Variants in PCDHA5 observed in about 807,000 individuals in gnomAD.
PCDHA5 encodes protocadherin alpha 5.
A neutral mutation model predicts 61.6 loss-of-function variants in PCDHA5; 43 were observed. The ratio of observed to expected loss-of-function variants is 0.70; its 90% CI spans 0.55 to 0.90. The LOEUF (loss-of-function observed/expected upper bound fraction) is 0.90. PCDHA5 is among the 40% of genes least tolerant of loss of function. The probability of loss-of-function intolerance (pLI) is 0.00; values close to 1 mark genes in which losing one functional copy is unlikely to be tolerated. For synonymous variants in PCDHA5, 627 were observed against 543.9 expected (o/e 1.15, Z -2.13); for missense variants, 1,298 against 1,222.7 (o/e 1.06, Z -0.92).
intron 1 of PCDHA5, chr5:140,829,803 G>A: frequency 6.2e-7 from 1 of 1,613,884 alleles, no homozygotes; most frequent in Non-Finnish European, 8.5e-7. Flanking sequence ...CCTCGGGTGG[G>A]TGGTACTGGT....
intron 1 of PCDHA5, among the ~76,000 whole-genome samples, chr5:140,944,651 C>T (rs1554216459): frequency 6.6e-6 from 1 of 152,152 alleles, no homozygotes; most frequent in Non-Finnish European, 1.5e-5. Context: ...ATTGGGAGTC[C>T]ATACCCCTTA....
rs782439866 is a variant in PCDHA5, at chr5:140,871,196, A to G, written c.2352+47069A>G. ...GCTGCGCTGGTGGATGTCAACGTGT[A>G]CCTGATCATCGCCATCTGCGTGGTG... On this transcript the variant is annotated intron_variant, in intron 1 of 3. Coordinates refer to ENST00000529859, the MANE Select transcript of PCDHA5 (RefSeq NM_018908.3). 19 of 1,613,546 alleles carry G rather than the reference A, an allele frequency of 1.2e-5. No homozygotes were observed. Among genetic ancestry groups the G allele is most frequent in the Non-Finnish European group, 1.6e-5 (19 of 1,179,946 alleles).
intron 1 of PCDHA5, chr5:140,863,499 T>G: frequency 2.3e-6 from 1 of 434,624 alleles, no homozygotes; most frequent in Non-Finnish European, 4.6e-6. Context: ...CATTACGGCT[T>G]TTAGTCCTAG....
Position 140,870,808 on chromosome 5 carries a change from G to A in PCDHA5, c.2352+46681G>A, listed in dbSNP as rs368477795. 1.9e-5 allele frequency: 30 copies of A among 1,613,692 alleles called. No individual in the cohort carries two copies. The highest frequency in any genetic ancestry group is 3.3e-5 in the South Asian group (3 of 91,076). On this transcript the variant is annotated intron_variant, in intron 1 of 3. Coordinates refer to ENST00000529859, the MANE Select transcript of PCDHA5 (RefSeq NM_018908.3). ...CGCGCCGGCACTGCTGGCGACTCAGGCTGGCAGCGCGGGAGGCGCAGTTAA... is the reference window on the plus strand; with the variant it reads ...CGCGCCGGCACTGCTGGCGACTCAGACTGGCAGCGCGGGAGGCGCAGTTAA...
At chr5:140,882,174 C>A (rs868925922) in intron 1 of PCDHA5, 1 of 1,514,752 alleles carries the variant, frequency 6.6e-7, no homozygotes, top group Non-Finnish European at 8.8e-7. Flanking sequence ...CGAATCCTTC[C>A]GCACTAGGAA....
intron 1 of PCDHA5, chr5:140,852,739 A>G: frequency 2.0e-6 from 2 of 984,418 alleles, no homozygotes. Flanking sequence ...TTCATGTGCC[A>G]TTTAAACTTG....
intron 1 of PCDHA5, chr5:140,861,911 G>A (rs1428528633): frequency 1.3e-5 from 2 of 154,368 alleles, no homozygotes; most frequent in East Asian, 1.9e-4. Context: ...ATATATCACA[G>A]CGCTGGATGT....
intron 1 of PCDHA5, chr5:140,829,890 A>G: frequency 2.5e-6 from 4 of 1,613,880 alleles, no homozygotes; most frequent in Non-Finnish European, 3.4e-6. Context: ...GTTGACGCCG[A>G]CTCAGGCTAC....
rs1290458104 is a variant in PCDHA5 at position 140,849,842 on chromosome 5, C to T, written c.2352+25715C>T. 18 of 1,598,416 alleles carry T rather than the reference C, an allele frequency of 1.1e-5. 3 individuals carry two copies. Among genetic ancestry groups the T allele is most frequent in the Admixed American group, 1.7e-5 (1 of 59,304 alleles). On this transcript the variant is annotated intron_variant, in intron 1 of 3. Coordinates refer to ENST00000529859, the MANE Select transcript of PCDHA5 (RefSeq NM_018908.3). The stretch of plus-strand genomic sequence containing the variant: ...TGTCTGTGGAGGTGGCCGACGTGAA[C>T]GACAACGCACCAGCGTTCGCGCAGT...
chr5:141,011,852 A>T lies in PCDHA5; in HGVS notation c.*1915A>T, dbSNP rs1288551420. 1 of 153,718 alleles carries T rather than the reference A, an allele frequency of 6.5e-6. No individual in the cohort carries two copies. The highest frequency in any genetic ancestry group is 1.5e-5 in the Non-Finnish European group (1 of 68,038). 9.5% of individuals were successfully genotyped at this position (153,718 alleles called of 1,614,324 possible). A position where few individuals can be genotyped will look rare whatever the true frequency, so the allele number is the denominator to read the frequency against. ...CTGTCACCTTAAATAAGACATTTTA[A>T]TTTTGTTATAATGTACAATTTAGAA... On this transcript the variant is annotated 3_prime_UTR_variant, in exon 4 of 4. Transcript: ENST00000529859.
intron 1 of PCDHA5, chr5:140,870,869 T>C (rs371526005): frequency 8.1e-6 from 13 of 1,613,770 alleles, no homozygotes; most frequent in Non-Finnish European, 1.1e-5. Context: ...GCGGGCCACG[T>C]GGTGGCGAAG....
At chr5:140,858,637 A>G in intron 1 of PCDHA5, 1 of 969,728 alleles carries the variant, frequency 1.0e-6, no homozygotes, top group Non-Finnish European at 1.5e-6. Context: ...TCAGCCTTTG[A>G]TTGGTACTTA....
At position 141,011,612 on chromosome 5, in the gene PCDHA5, G is replaced by A. The variant is rs1031311936; in HGVS notation, c.*1675G>A. 11 of 153,524 alleles carry A rather than the reference G, an allele frequency of 7.2e-5. No individual in the cohort carries two copies. The highest frequency in any genetic ancestry group is 1.6e-4 in the Non-Finnish European group (11 of 67,990). 9.5% of individuals were successfully genotyped at this position (153,524 alleles called of 1,614,324 possible). A position where few individuals can be genotyped will look rare whatever the true frequency, so the allele number is the denominator to read the frequency against. On this transcript the variant is annotated 3_prime_UTR_variant, in exon 4 of 4. Coordinates refer to ENST00000529859, the MANE Select transcript of PCDHA5 (RefSeq NM_018908.3). ...TGGTGATTCAAGGAATTTTATTTAT[G>A]GTCCAGCCAAGAGCCATCTCGTGCC...
chr5:140,920,570 G>A (rs2153557888), intron 1 of PCDHA5, among the ~76,000 whole-genome samples: 1 of 152,186 alleles, frequency 6.6e-6, no homozygotes, highest in Non-Finnish European at 1.5e-5. Flanking sequence ...CTTAGGCCAG[G>A]AGCAGTGGCT....
chr5:140,967,100 G>A, intron 1 of PCDHA5: 1 of 1,613,092 alleles, frequency 6.2e-7, no homozygotes, highest in Non-Finnish European at 8.5e-7. Context: ...GGCGCTGTGT[G>A]AGCAGCGGCC....
intron 1 of PCDHA5, chr5:140,882,457 G>C: frequency 1.2e-6 from 2 of 1,614,056 alleles, no homozygotes; most frequent in Non-Finnish European, 1.7e-6. Context: ...TGCCGCGCCT[G>C]TTCCGGGTGG....
chr5:140,959,370 T>C (rs1212787453), intron 1 of PCDHA5, among the ~76,000 whole-genome samples: 1 of 151,796 alleles, frequency 6.6e-6, no homozygotes, highest in African/African-American at 2.4e-5. Flanking sequence ...TGAGACCCTG[T>C]CTCAAAAAAA....
chr5:140,906,316 A>G (rs191261196), intron 1 of PCDHA5, among the ~76,000 whole-genome samples: 377 of 152,344 alleles, frequency 2.5e-3, no homozygotes, highest in African/African-American at 8.6e-3. Flanking sequence ...TATTCCCAAC[A>G]TGATACAACT....
chr5:140,829,852 A>G, intron 1 of PCDHA5: 2 of 1,613,942 alleles, frequency 1.2e-6, no homozygotes, highest in Admixed American at 1.7e-5. Context: ...CACTGGGTGC[A>G]GGCCAAGTGG....
Sources: gnomAD v4.1 joint callset for allele counts (sites outside exome capture counted in the v4.1 genomes callset) on GRCh38, gnomAD v4.1.1 for gene constraint, MANE v1.5 for transcripts, NCBI Gene and HGNC (gene_info 2026-07-23, HGNC 2026-07-21) for gene names.